CYP26B1: variants seen among roughly 807,000 people sequenced by gnomAD.
The protein encoded by CYP26B1 is cytochrome P450 family 26 subfamily B member 1.
Under a neutral mutation model 39.1 loss-of-function variants are expected in CYP26B1, and 8 were observed. The ratio of observed to expected loss-of-function variants is 0.20; its 90% CI spans 0.12 to 0.37. The LOEUF (loss-of-function observed/expected upper bound fraction) is 0.37. Among genes scored for constraint, CYP26B1 ranks in the 10% least tolerant of loss-of-function variants. CYP26B1 has a pLI of 1.00. For synonymous variants in CYP26B1, 321 were observed against 314.3 expected, an observed-to-expected ratio of 1.02 and a Z score of -0.23; for missense variants, 615 against 707.0, an observed-to-expected ratio of 0.87 and a Z score of 1.48.
Position 72,145,168 on chromosome 2 carries a change from G to C in CYP26B1, c.205-955C>G, listed in dbSNP as rs1038889627. Reference sequence around the variant, plus strand: ...CCGCCTGCCAGCCCACGAGCGTACCGACTCGGGCTCCAGATCTACCCGCTC... The same window carrying C: ...CCGCCTGCCAGCCCACGAGCGTACCCACTCGGGCTCCAGATCTACCCGCTC... On this transcript the variant is annotated intron_variant, in intron 1 of 5. Transcript: ENST00000001146. Among the ~76,000 whole-genome samples, 40 of 152,178 alleles carry C rather than the reference G, an allele frequency of 2.6e-4. 1 individual carries two copies.
intron 2 of CYP26B1, among the ~76,000 whole-genome samples, chr2:72,137,184 G>A (rs903005158): frequency 3.3e-5 from 5 of 152,038 alleles, no homozygotes; most frequent in African/African-American, 7.2e-5. Flanking sequence ...CCTCTCACCC[G>A]GTGCCCTGGA....
At chr2:72,135,088 A>C (rs1278713264) in intron 3 of CYP26B1, 56 bp downstream of exon 3, 10 of 1,609,546 alleles carry the variant, frequency 6.2e-6, no homozygotes, top group Non-Finnish European at 8.5e-6. Flanking sequence ...ACCCACCCCC[A>C]GAGAGGGGGC....
intron 4 of CYP26B1, 31 bp from the exon 5 acceptor site, chr2:72,133,338 AGGT>A (rs1488918602): frequency 3.8e-6 from 6 of 1,591,500 alleles, no homozygotes; most frequent in Non-Finnish European, 5.1e-6. Context: ...GTGTTGTTGG[AGGT>A]GTGGGTTCAG....
At position 72,144,520 on chromosome 2, in the gene CYP26B1, G is replaced by GCCCCCACCCCCACC. The variant is rs1677060251; in HGVS notation, c.205-321_205-308dup. 1.4e-5 allele frequency: 16 copies of GCCCCCACCCCCACC among 1,156,354 alleles called. No homozygotes were observed. In the South Asian group the frequency reaches 6.1e-4, roughly 44 times the overall value. 71.6% of individuals were successfully genotyped at this position (1,156,354 alleles called of 1,614,324 possible). A position where few individuals can be genotyped will look rare whatever the true frequency, so the allele number is the denominator to read the frequency against. On this transcript the variant is annotated intron_variant, in intron 1 of 5. Coordinates refer to ENST00000001146, the MANE Select transcript of CYP26B1 (RefSeq NM_019885.4). ...AGCTGGACCCGAAGCGGGAGTCTCC[G>GCCCCCACCCCCACC]CCCCCACCCCCACCCCCACACCCCC... is the stretch of plus-strand genomic sequence containing the variant.
chr2:72,138,274 C>A (rs902659915), intron 2 of CYP26B1, among the ~76,000 whole-genome samples: 1 of 152,170 alleles, frequency 6.6e-6, no homozygotes, highest in African/African-American at 2.4e-5. Context: ...ACAACACAGG[C>A]ACTTCCCAAA....
intron 2 of CYP26B1, among the ~76,000 whole-genome samples, chr2:72,136,268 G>A (rs1676771916): frequency 6.6e-6 from 1 of 152,214 alleles, no homozygotes; most frequent in Non-Finnish European, 1.5e-5. Flanking sequence ...GGCTGGGAGG[G>A]GAGGGACAGT....
intron 2 of CYP26B1, among the ~76,000 whole-genome samples, chr2:72,138,380 G>T (rs921588770): frequency 1.3e-5 from 2 of 152,178 alleles, no homozygotes; most frequent in African/African-American, 4.8e-5. Flanking sequence ...CGTCAGGGCG[G>T]GCTGGGTCTG....
At position 72,144,076 on chromosome 2, in the gene CYP26B1, G is replaced by A; in HGVS notation, c.342C>T (p.Ser114=). Residue 114 remains serine (S), a synonymous_variant, in exon 2 of 6, where the codon AGC becomes AGT. Transcript: ENST00000001146. ...KILMGEHHLV[S]TEWPRSTRML... ...TGCGGGTGCTGCGAGGCCACTCGGTGCTCACGAGGTGGTGCTCGCCCATGA... is the reference window on the plus strand; with the variant it reads ...TGCGGGTGCTGCGAGGCCACTCGGTACTCACGAGGTGGTGCTCGCCCATGA... 3 of 1,613,798 alleles carry A rather than the reference G, an allele frequency of 1.9e-6. No individual in the cohort carries two copies. The highest frequency in any genetic ancestry group is 2.5e-6 in the Non-Finnish European group (3 of 1,179,886).
chr2:72,142,941 T>G (rs1676984480), intron 2 of CYP26B1: 1 of 167,140 alleles, frequency 6.0e-6, no homozygotes, highest in African/African-American at 2.4e-5. Flanking sequence ...GAATTACCCT[T>G]CACAGGCTGT....
Position 72,135,297 on chromosome 2 carries a change from C to T in CYP26B1, c.552G>A (p.Glu184=). The T allele has an allele frequency of 6.2e-7, 1 of 1,614,104 alleles. No homozygotes were observed. The highest frequency in any genetic ancestry group is 1.1e-5 in the South Asian group (1 of 91,092). Residue 184 remains glutamate (E), a synonymous_variant, in exon 3 of 6, where the codon GAG becomes GAA. Coordinates refer to ENST00000001146, the MANE Select transcript of CYP26B1 (RefSeq NM_019885.4). ...CCATGCGGAAGGTCAGCTTCTGCGC[C>T]TCCTGGTACACGTTGATGGCCTCGG... ...SHPEAINVYQ[E]AQKLTFRMAI...
rs1234237615 is a variant in CYP26B1 at position 72,131,148 on chromosome 2, C to T, written c.*1079G>A. 6.6e-6 allele frequency: 1 copy of T among 152,652 alleles called. No individual in the cohort carries two copies. The highest frequency in any genetic ancestry group is 1.5e-5 in the Non-Finnish European group (1 of 68,106). 9.5% of individuals were successfully genotyped at this position (152,652 alleles called of 1,614,324 possible). On this transcript the variant is annotated 3_prime_UTR_variant, in exon 6 of 6. Coordinates refer to ENST00000001146, the MANE Select transcript of CYP26B1 (RefSeq NM_019885.4). ...GGGCCAAACAGGAAATCGTGGCCGCCTCCAAATCTACCTGATCAGGGTTTT... is the reference window on the plus strand; with the variant it reads ...GGGCCAAACAGGAAATCGTGGCCGCTTCCAAATCTACCTGATCAGGGTTTT...
intron 4 of CYP26B1, 88 bp downstream of exon 4, chr2:72,134,673 A>G: frequency 1.3e-6 from 2 of 1,543,594 alleles, no homozygotes; most frequent in South Asian, 2.4e-5. Flanking sequence ...CAGGGGGTAG[A>G]AATGGCTGGG....
At chr2:72,132,838 C>G (rs965020670) in intron 5 of CYP26B1, among the ~76,000 whole-genome samples, 185 bp downstream of exon 5, 1 of 152,254 alleles carries the variant, frequency 6.6e-6, no homozygotes, top group African/African-American at 2.4e-5. Context: ...ACATATGACA[C>G]CCAACTTGGC....
chr2:72,143,329 C>G (rs1011480701), intron 2 of CYP26B1, among the ~76,000 whole-genome samples: 1 of 150,618 alleles, frequency 6.6e-6, no homozygotes, highest in Non-Finnish European at 1.5e-5. Context: ...TCCAGTCGCT[C>G]GGGAAATCCA....
chr2:72,136,642 G>A (rs967163203), intron 2 of CYP26B1, among the ~76,000 whole-genome samples: 16 of 152,232 alleles, frequency 1.1e-4, no homozygotes, highest in South Asian at 2.1e-4. Context: ...GTAGAAGGAC[G>A]ATAGGAGGTC....
intron 2 of CYP26B1, among the ~76,000 whole-genome samples, chr2:72,139,835 C>G (rs1676887079): frequency 6.6e-6 from 1 of 152,200 alleles, no homozygotes; most frequent in African/African-American, 2.4e-5. Context: ...TCCCACCACC[C>G]CAGACTCCAT....
At position 72,131,440 on chromosome 2, in the gene CYP26B1, A is replaced by G. The variant is rs1043755676; in HGVS notation, c.*787T>C. ...TTCACTCCAGACCCCAGCATCCCCA[A>G]GATTCTCTATCAGTGAATAAATATG... is the stretch of plus-strand genomic sequence containing the variant. On this transcript the variant is annotated 3_prime_UTR_variant, in exon 6 of 6. Transcript: ENST00000001146. 1 of 152,342 alleles carries G rather than the reference A, an allele frequency of 6.6e-6. No homozygotes were observed. Among genetic ancestry groups the G allele is most frequent in the Non-Finnish European group, 1.5e-5 (1 of 68,104 alleles). The allele number at this position is 152,342 out of a possible 1,614,324, so 9.4% of individuals were successfully genotyped here.
chr2:72,146,249 G>T (rs546836916), intron 1 of CYP26B1, among the ~76,000 whole-genome samples: 45 of 151,702 alleles, frequency 3.0e-4, no homozygotes, highest in African/African-American at 1.0e-3. Flanking sequence ...GGCGGGAGCC[G>T]TTGCCCAAGT....
Position 72,131,873 on chromosome 2 carries a change from G to A in CYP26B1, c.*354C>T, listed in dbSNP as rs770501250. The A allele has an allele frequency of 1.9e-5, 5 of 262,576 alleles. No individual in the cohort carries two copies. The highest frequency in any genetic ancestry group is 1.9e-4 in the East Asian group (2 of 10,624). 16.3% of individuals were successfully genotyped at this position (262,576 alleles called of 1,614,324 possible). A position where few individuals can be genotyped will look rare whatever the true frequency, so the allele number is the denominator to read the frequency against. ...CCCGTCCCCCAACCCCAGCTAAAAGGGTCCGAAAGGAACGGAGGGAAGGGA... is the reference window on the plus strand; with the variant it reads ...CCCGTCCCCCAACCCCAGCTAAAAGAGTCCGAAAGGAACGGAGGGAAGGGA... On this transcript the variant is annotated 3_prime_UTR_variant, in exon 6 of 6. Transcript: ENST00000001146.
Sources: allele counts gnomAD v4.1 joint callset (sites outside exome capture counted in the v4.1 genomes callset), GRCh38; gene constraint gnomAD v4.1.1; transcripts MANE v1.5; gene names NCBI Gene and HGNC (gene_info 2026-07-23, HGNC 2026-07-21).